GABRB1: variants seen among roughly 807,000 people sequenced by gnomAD.
GABRB1 encodes the protein gamma-aminobutyric acid type A receptor subunit beta1, also known as gamma-aminobutyric acid receptor subunit beta-1.
GABRB1 carries 17 observed loss-of-function variants against 51.6 expected under a neutral mutation model. The ratio of observed to expected loss-of-function variants is 0.33; its 90% CI spans 0.23 to 0.49. The LOEUF (loss-of-function observed/expected upper bound fraction) is 0.49. GABRB1 is among the 20% of genes least tolerant of loss of function. The pLI, the probability that GABRB1 is intolerant of heterozygous loss-of-function variation, is 0.99. For missense variants in GABRB1, 410 were observed against 600.6 expected (o/e 0.68, Z 3.32); for synonymous variants, 247 against 218.9 (o/e 1.13, Z -1.14).
At chr4:47,245,408 A>C (rs1382073925) in intron 4 of GABRB1, among the ~76,000 whole-genome samples, 2 of 152,156 alleles carry the variant, frequency 1.3e-5, no homozygotes, top group Non-Finnish European at 2.9e-5. Context: ...CCAATGTTCA[A>C]TTATTCATCA....
At chr4:47,323,066 C>G (rs1725141722) in intron 5 of GABRB1, among the ~76,000 whole-genome samples, 1 of 152,132 alleles carries the variant, frequency 6.6e-6, no homozygotes, top group South Asian at 2.1e-4. Context: ...AATGCTGACT[C>G]AACCAAAGAC....
chr4:47,087,063 C>G (rs1326213052), intron 3 of GABRB1, among the ~76,000 whole-genome samples: 2 of 152,184 alleles, frequency 1.3e-5, no homozygotes, highest in African/African-American at 2.4e-5. Flanking sequence ...ACCAACGTCT[C>G]ACAAAATGCT....
rs1720800008 is a variant in GABRB1 at position 47,222,372 on chromosome 4, T to C, written c.461+60903T>C. Among the ~76,000 whole-genome samples, 2 of 152,172 alleles carry C rather than the reference T, an allele frequency of 1.3e-5. 1 individual carries two copies. Among genetic ancestry groups the C allele is most frequent in the South Asian group, 4.1e-4 (2 of 4,834 alleles). ...CCCAAAATGTCCTGCTTGCCTGTATTCCTATCCTTGTGTAATCCCCTCCCA... is the reference window on the plus strand; with the variant it reads ...CCCAAAATGTCCTGCTTGCCTGTATCCCTATCCTTGTGTAATCCCCTCCCA... On this transcript the variant is annotated intron_variant, in intron 4 of 8. Coordinates refer to ENST00000295454, the MANE Select transcript of GABRB1 (RefSeq NM_000812.4).
intron 4 of GABRB1, among the ~76,000 whole-genome samples, chr4:47,298,284 G>C (rs1297665825): frequency 6.6e-6 from 1 of 152,200 alleles, no homozygotes; most frequent in Non-Finnish European, 1.5e-5. Flanking sequence ...ATTAGGAAAA[G>C]AGGAAGTCAA....
At chr4:47,347,208 G>A (rs574511859) in intron 5 of GABRB1, among the ~76,000 whole-genome samples, 1 of 152,166 alleles carries the variant, frequency 6.6e-6, no homozygotes, top group Admixed American at 6.5e-5. Flanking sequence ...CTCCAACCCA[G>A]GAGGTAGAGA....
chr4:47,068,769 A>T (rs921851449), intron 3 of GABRB1, among the ~76,000 whole-genome samples: 4 of 152,210 alleles, frequency 2.6e-5, no homozygotes, highest in African/African-American at 9.6e-5. Context: ...TTAAAATATT[A>T]TGAGAATTGC....
chr4:47,259,682 A>G (rs1722348779), intron 4 of GABRB1, among the ~76,000 whole-genome samples: 1 of 152,200 alleles, frequency 6.6e-6, no homozygotes, highest in Non-Finnish European at 1.5e-5. Context: ...GGCAGGAATC[A>G]GACCCAGATT....
At chr4:47,107,480 T>G (rs1037421950) in intron 3 of GABRB1, among the ~76,000 whole-genome samples, 1 of 152,032 alleles carries the variant, frequency 6.6e-6, no homozygotes, top group African/African-American at 2.4e-5. Flanking sequence ...CAAGATAATA[T>G]TTGCATTGGG....
chr4:47,081,476 T>C (rs1416464426), intron 3 of GABRB1, among the ~76,000 whole-genome samples: 1 of 152,200 alleles, frequency 6.6e-6, no homozygotes, highest in African/African-American at 2.4e-5. Context: ...CATTTAGTAT[T>C]ACAACTTCTT....
intron 3 of GABRB1, among the ~76,000 whole-genome samples, chr4:47,088,900 C>A (rs946729810): frequency 1.3e-5 from 2 of 152,126 alleles, no homozygotes; most frequent in African/African-American, 2.4e-5. Flanking sequence ...AAGAAGAGGC[C>A]ATATGATTAT....
chr4:47,251,253 C>T (rs555210788), intron 4 of GABRB1, among the ~76,000 whole-genome samples: 22 of 152,250 alleles, frequency 1.4e-4, no homozygotes, highest in African/African-American at 2.6e-4. Context: ...TACCAGGCTC[C>T]GGGCTGGTAC....
intron 3 of GABRB1, among the ~76,000 whole-genome samples, chr4:47,156,349 T>C (rs1426724658): frequency 1.3e-5 from 2 of 152,056 alleles, no homozygotes; most frequent in Non-Finnish European, 1.5e-5. Flanking sequence ...TGTAATGCAG[T>C]GTTTCTCAAC....
intron 5 of GABRB1, among the ~76,000 whole-genome samples, chr4:47,332,402 C>T (rs1725518344): frequency 6.6e-6 from 1 of 152,196 alleles, no homozygotes; most frequent in Non-Finnish European, 1.5e-5. Context: ...GCATTAACAT[C>T]TACAACCTTG....
intron 1 of GABRB1, among the ~76,000 whole-genome samples, chr4:47,024,069 A>G (rs1725012186): frequency 2.0e-5 from 3 of 151,936 alleles, no homozygotes; most frequent in African/African-American, 7.2e-5. Context: ...ATGGAATTTC[A>G]TTTTAAAATT....
At chr4:47,301,586 A>T (rs1478554892) in intron 4 of GABRB1, among the ~76,000 whole-genome samples, 2 of 151,176 alleles carry the variant, frequency 1.3e-5, no homozygotes, top group African/African-American at 4.9e-5. Flanking sequence ...GTGAGTCATG[A>T]TCACACCATT....
intron 1 of GABRB1, among the ~76,000 whole-genome samples, chr4:47,025,024 ATT>A: frequency 6.8e-6 from 1 of 147,364 alleles, no homozygotes; most frequent in Admixed American, 6.8e-5. Context: ...GTGGAATTTC[ATT>A]TTAAAATTTA....
Position 47,034,978 on chromosome 4 carries a change from G to T in GABRB1, c.240+2494G>T, listed in dbSNP as rs367996088. Among the ~76,000 whole-genome samples the T allele has an allele frequency of 1.8e-4, 28 of 152,140 alleles. No individual in the cohort carries two copies. The East Asian group carries it at 3.1e-3, about 17-fold the overall frequency. Reference sequence around the variant, plus strand: ...TAGAAAATTTTCATCTACATTAAATGACAAGAATATAACAAAGAGAATGGA... The same window carrying T: ...TAGAAAATTTTCATCTACATTAAATTACAAGAATATAACAAAGAGAATGGA... On this transcript the variant is annotated intron_variant, in intron 3 of 8. Coordinates refer to ENST00000295454, the MANE Select transcript of GABRB1 (RefSeq NM_000812.4).
At chr4:47,382,710 T>C (rs1272414828) in intron 5 of GABRB1, among the ~76,000 whole-genome samples, 1 of 152,178 alleles carries the variant, frequency 6.6e-6, no homozygotes. Context: ...GTACAGAGCA[T>C]TGCCCTTTCC....
intron 3 of GABRB1, among the ~76,000 whole-genome samples, chr4:47,061,227 CT>C (rs911281552): frequency 1.3e-4 from 20 of 151,734 alleles, no homozygotes; most frequent in Non-Finnish European, 2.1e-4. Context: ...TGACTTTTTT[CT>C]TTTTTTTCCC....
Sources: allele counts gnomAD v4.1 joint callset (sites outside exome capture counted in the v4.1 genomes callset), GRCh38; gene constraint gnomAD v4.1.1; transcripts MANE v1.5; gene names NCBI Gene and HGNC (gene_info 2026-07-23, HGNC 2026-07-21).